Variants in CNTNAP5 observed in about 807,000 individuals in gnomAD.
CNTNAP5 encodes the protein contactin associated protein family member 5.
CNTNAP5 carries 72 observed loss-of-function variants against 150.2 expected under a neutral mutation model. The ratio of observed to expected loss-of-function variants is 0.48; its 90% CI spans 0.40 to 0.58. The LOEUF (loss-of-function observed/expected upper bound fraction) is 0.58. Ranked by LOEUF, CNTNAP5 falls within the 20% of genes least tolerant of loss-of-function variation. CNTNAP5 has a pLI of 0.00. For missense variants in CNTNAP5, 1,636 were observed against 1,626.2 expected (o/e 1.01, Z -0.10); for synonymous variants, 672 against 619.8 (o/e 1.08, Z -1.25).
chr2:124,063,481 A>G (rs529668795), intron 1 of CNTNAP5, among the ~76,000 whole-genome samples: 1 of 152,294 alleles, frequency 6.6e-6, no homozygotes, highest in East Asian at 1.9e-4. Context: ...CCATAAAATA[A>G]GAAGGTCTGG....
At chr2:124,893,906 A>T (rs2104750848) in intron 21 of CNTNAP5, among the ~76,000 whole-genome samples, 1 of 152,322 alleles carries the variant, frequency 6.6e-6, no homozygotes, top group South Asian at 2.1e-4. Flanking sequence ...AGTGTATTTC[A>T]TAAAAATGTA....
At chr2:124,856,486 C>G (rs1677376711) in intron 19 of CNTNAP5, among the ~76,000 whole-genome samples, 1 of 151,872 alleles carries the variant, frequency 6.6e-6, no homozygotes, top group South Asian at 2.1e-4. Context: ...TTCACTGCAT[C>G]CATGCCATTA....
At chr2:124,045,941 G>A (rs1386339641) in intron 1 of CNTNAP5, among the ~76,000 whole-genome samples, 2 of 152,232 alleles carry the variant, frequency 1.3e-5, no homozygotes, top group Non-Finnish European at 2.9e-5. Flanking sequence ...TCATCACTGT[G>A]TGTATATCTG....
At chr2:124,494,062 CTG>C (rs111834196) in intron 7 of CNTNAP5, among the ~76,000 whole-genome samples, 31 of 110,522 alleles carry the variant, frequency 2.8e-4, no homozygotes, top group Middle Eastern at 6.4e-3. Context: ...CAATAGGAGA[CTG>C]TGTGTGTGTG....
intron 12 of CNTNAP5, among the ~76,000 whole-genome samples, chr2:124,629,935 G>GAAAAAA (rs1360133613): frequency 3.7e-5 from 1 of 26,908 alleles, no homozygotes; most frequent in Non-Finnish European, 9.5e-5. Flanking sequence ...ACACCTCTAT[G>GAAAAAA]CAAAAAAAAA....
At chr2:124,160,850 C>G (rs1684658615) in intron 1 of CNTNAP5, among the ~76,000 whole-genome samples, 1 of 152,050 alleles carries the variant, frequency 6.6e-6, no homozygotes, top group Admixed American at 6.6e-5. Context: ...CTGAAGAGTG[C>G]AAAACTATGG....
intron 22 of CNTNAP5, among the ~76,000 whole-genome samples, chr2:124,906,967 C>T (rs893196170): frequency 2.6e-5 from 4 of 152,018 alleles, no homozygotes; most frequent in African/African-American, 9.7e-5. Flanking sequence ...TTTAAAGTCC[C>T]TAATTTTAGA....
intron 3 of CNTNAP5, among the ~76,000 whole-genome samples, chr2:124,345,857 C>A (rs1463054177): frequency 1.3e-5 from 2 of 152,062 alleles, no homozygotes; most frequent in African/African-American, 4.8e-5. Context: ...CCCAAAGCAC[C>A]AATCAGCTTG....
chr2:124,598,204 G>T (rs1193143300), intron 11 of CNTNAP5, among the ~76,000 whole-genome samples: 1 of 139,572 alleles, frequency 7.2e-6, no homozygotes, highest in Non-Finnish European at 1.5e-5. Flanking sequence ...CGTTCCTTTG[G>T]AGGAGGAGAG....
At chr2:124,377,048 G>GACAAAATAAAAGTCTCCA (rs1242390114) in intron 3 of CNTNAP5, among the ~76,000 whole-genome samples, 1 of 152,064 alleles carries the variant, frequency 6.6e-6, no homozygotes, top group Non-Finnish European at 1.5e-5. Flanking sequence ...TAAGAAGTGT[G>GACAAAATAAAAGTCTCCA]AGGGACAAAA....
intron 11 of CNTNAP5, among the ~76,000 whole-genome samples, chr2:124,583,093 G>A (rs1482414682): frequency 6.6e-6 from 1 of 152,098 alleles, no homozygotes; most frequent in Non-Finnish European, 1.5e-5. Context: ...CCATAGATTA[G>A]ATAGTAAGAT....
intron 3 of CNTNAP5, among the ~76,000 whole-genome samples, chr2:124,360,983 T>C (rs1187436444): frequency 7.4e-6 from 1 of 134,974 alleles, no homozygotes; most frequent in Non-Finnish European, 1.6e-5. Context: ...CATAGTCCCA[T>C]ATTTCTTGGA....
At chr2:124,560,518 C>CAAAAAA (rs11285774) in intron 10 of CNTNAP5, among the ~76,000 whole-genome samples, 1 of 126,952 alleles carries the variant, frequency 7.9e-6, no homozygotes. Context: ...GACTCCATTT[C>CAAAAAA]AAAAAAAAAA....
intron 6 of CNTNAP5, among the ~76,000 whole-genome samples, chr2:124,457,522 T>TA (rs1693149324): frequency 6.6e-6 from 1 of 152,068 alleles, no homozygotes. Flanking sequence ...CTCTTTTTTT[T>TA]ATTAGGAAAA....
At chr2:124,226,205 T>C (rs1686455230) in intron 2 of CNTNAP5, among the ~76,000 whole-genome samples, 2 of 152,012 alleles carry the variant, frequency 1.3e-5, no homozygotes, top group East Asian at 1.9e-4. Flanking sequence ...CTTATAACTA[T>C]GCTAATTTAC....
chr2:124,616,879 G>C (rs1021437040), intron 12 of CNTNAP5, among the ~76,000 whole-genome samples: 10 of 151,994 alleles, frequency 6.6e-5, no homozygotes, highest in Non-Finnish European at 1.3e-4. Context: ...ACACAATATT[G>C]GTCAATTAAG....
At chr2:124,696,132 T>C (rs775578661) in intron 13 of CNTNAP5, among the ~76,000 whole-genome samples, 16 of 152,180 alleles carry the variant, frequency 1.1e-4, no homozygotes, top group Non-Finnish European at 2.4e-4. Context: ...ATGATGCTGC[T>C]GGAGGTTGTT....
In CNTNAP5 at chr2:124,682,774, A is replaced by G. The variant is rs10166667; in HGVS notation, c.2077+34816A>G. 3.8e-3 allele frequency among the ~76,000 whole-genome samples: 580 copies of G among 152,246 alleles called. 5 individuals carry two copies. The highest frequency in any genetic ancestry group is 0.014 in the African/African-American group (562 of 41,554). ...ATCTGCAATTCTGGAAGAGGTAGTG[A>G]ATGTGTAGTTTTGAACTTGTGAGTG... On this transcript the variant is annotated intron_variant, in intron 13 of 23. Transcript: ENST00000682447.
intron 13 of CNTNAP5, among the ~76,000 whole-genome samples, chr2:124,691,319 T>C (rs538450151): frequency 6.6e-6 from 1 of 151,992 alleles, no homozygotes; most frequent in East Asian, 1.9e-4. Context: ...AAAAAGTTGG[T>C]GGGTAAAGTT....
Sources: gnomAD v4.1 joint callset for allele counts (sites outside exome capture counted in the v4.1 genomes callset) on GRCh38, gnomAD v4.1.1 for gene constraint, MANE v1.5 for transcripts, NCBI Gene and HGNC (gene_info 2026-07-23, HGNC 2026-07-21) for gene names.